The following SGCD variants were observed in gnomAD, a reference collection of about 807,000 sequenced individuals.
The protein encoded by SGCD is sarcoglycan delta.
SGCD carries 18 observed loss-of-function variants against 36.6 expected under a neutral mutation model. That is an observed-to-expected ratio of 0.49 (90% CI 0.34 to 0.73). The LOEUF (loss-of-function observed/expected upper bound fraction) is 0.73, where lower values mean the gene tolerates loss of function less well. SGCD is among the 30% of genes least tolerant of loss of function. The pLI is 0.01. For synonymous variants in SGCD, 133 were observed against 130.6 expected (o/e 1.02, Z -0.12); for missense variants, 387 against 346.7 (o/e 1.12, Z -0.92).
Position 156,197,472 on chromosome 5 carries a change from C to CTTTTTTTTT in SGCD, c.-44+73460_-44+73468dup, listed in dbSNP as rs368116194. On this transcript the variant is annotated intron_variant, in intron 3 of 9. Coordinates refer to the SGCD transcript ENST00000517913. ...AACTCTTTAGAATTGAATAGTTTTC[C>CTTTTTTTTT]TTTTTTTTTTTTTTTGGCTAAACAG... Among the ~76,000 whole-genome samples the CTTTTTTTTT allele has an allele frequency of 8.4e-4, 112 of 133,958 alleles. 1 individual carries two copies. Among genetic ancestry groups the CTTTTTTTTT allele is most frequent in the African/African-American group, 2.3e-3 (84 of 36,558 alleles). The allele number at this position is 133,958 out of a possible 152,430, so 87.9% of individuals were successfully genotyped here.
At chr5:156,215,724 A>G (rs892074671) in intron 3 of SGCD, among the ~76,000 whole-genome samples, 1 of 152,146 alleles carries the variant, frequency 6.6e-6, no homozygotes, top group African/African-American at 2.4e-5. Context: ...ACCCCCACAC[A>G]TGGTGGGAAT....
At chr5:156,317,019 T>C (rs1767534106) in intron 3 of SGCD, among the ~76,000 whole-genome samples, 1 of 152,234 alleles carries the variant, frequency 6.6e-6, no homozygotes, top group South Asian at 2.1e-4. Flanking sequence ...GTCTGGTCTG[T>C]AAATGTACCC....
intron 1 of SGCD, among the ~76,000 whole-genome samples, chr5:155,920,141 A>G (rs1756841997): frequency 6.6e-6 from 1 of 152,220 alleles, no homozygotes; most frequent in South Asian, 2.1e-4. Context: ...GAAATGATCA[A>G]CATCTAACCC....
Position 156,452,207 on chromosome 5 carries a change from A to G in SGCD, c.193-56394A>G, listed in dbSNP as rs76925004. On this transcript the variant is annotated intron_variant, in intron 3 of 8. Transcript: ENST00000337851. ...AATTTTCATGCTCATCTCACTTCCA[A>G]TCACTGCTTATTCTTACCACGATTT... Among the ~76,000 whole-genome samples the G allele has an allele frequency of 3.9e-5, 6 of 152,168 alleles. No homozygotes were observed. In the East Asian group the frequency reaches 7.7e-4, roughly 20 times the overall value.
chr5:156,446,671 C>A (rs774276013), intron 3 of SGCD, among the ~76,000 whole-genome samples: 2 of 152,000 alleles, frequency 1.3e-5, no homozygotes, highest in Non-Finnish European at 2.9e-5. Flanking sequence ...CTTCCCTGGC[C>A]GAAGGAGCTG....
At chr5:156,575,261 C>T (rs1759887777) in intron 4 of SGCD, among the ~76,000 whole-genome samples, 1 of 152,188 alleles carries the variant, frequency 6.6e-6, no homozygotes, top group Admixed American at 6.5e-5. Flanking sequence ...GAAGAGACAG[C>T]TGCCTCCTTG....
At chr5:156,126,051 T>C (rs1268936976) in intron 3 of SGCD, among the ~76,000 whole-genome samples, 1 of 151,816 alleles carries the variant, frequency 6.6e-6, no homozygotes, top group Non-Finnish European at 1.5e-5. Flanking sequence ...CTAATATGTT[T>C]GTATTTTTTA....
At chr5:156,135,008 C>T (rs189414440) in intron 3 of SGCD, among the ~76,000 whole-genome samples, 30 of 152,182 alleles carry the variant, frequency 2.0e-4, no homozygotes, top group African/African-American at 7.0e-4. Flanking sequence ...AAGTCAGTCT[C>T]CCTCAATGAA....
intron 3 of SGCD, among the ~76,000 whole-genome samples, chr5:156,496,434 G>A (rs568577355): frequency 2.8e-4 from 43 of 152,124 alleles, no homozygotes; most frequent in African/African-American, 9.6e-4. Context: ...ACTGGGCTGC[G>A]TAAGTAGTAT....
At chr5:155,756,511 A>C in the SGCD span, among the ~76,000 whole-genome samples, 1 of 152,148 alleles carries the variant, frequency 6.6e-6, no homozygotes, top group South Asian at 2.1e-4. Context: ...TGTGAATATC[A>C]CACAAAGCCC....
intron 4 of SGCD, among the ~76,000 whole-genome samples, chr5:156,564,571 A>G (rs1175201802): frequency 2.0e-5 from 3 of 152,170 alleles, no homozygotes; most frequent in Non-Finnish European, 2.9e-5. Flanking sequence ...TCAGTGTTCA[A>G]TGTCACCATC....
chr5:155,967,712 C>A (rs1757929610), intron 1 of SGCD, among the ~76,000 whole-genome samples: 1 of 151,998 alleles, frequency 6.6e-6, no homozygotes, highest in Non-Finnish European at 1.5e-5. Flanking sequence ...CTGTGGAAAA[C>A]GTTCAGTAAT....
the SGCD span, among the ~76,000 whole-genome samples, chr5:155,763,537 A>G: frequency 2.6e-5 from 4 of 152,230 alleles, 1 homozygote; most frequent in Middle Eastern, 0.01. Context: ...GTCTGATGGG[A>G]TGGGCCACGT....
intron 1 of SGCD, among the ~76,000 whole-genome samples, chr5:156,109,383 T>A (rs1356475070): frequency 2.6e-5 from 4 of 152,106 alleles, no homozygotes; most frequent in Admixed American, 2.6e-4. Context: ...AGTGGGTAAG[T>A]GGAGTGGGAT....
intron 3 of SGCD, among the ~76,000 whole-genome samples, chr5:156,128,480 CA>C (rs75707957): frequency 0.17 from 25,518 of 150,928 alleles, 3,434 homozygotes; most frequent in East Asian, 0.46. Context: ...AGATGTCTAA[CA>C]AAAAAAAATG....
intron 3 of SGCD, among the ~76,000 whole-genome samples, chr5:156,463,022 C>T (rs1754554380): frequency 6.6e-6 from 1 of 152,202 alleles, no homozygotes; most frequent in African/African-American, 2.4e-5. Flanking sequence ...AAACCCAACT[C>T]TCTCTTCTTT....
At chr5:156,712,675 C>T (rs996365216) in intron 7 of SGCD, among the ~76,000 whole-genome samples, 1 of 152,096 alleles carries the variant, frequency 6.6e-6, no homozygotes, top group African/African-American at 2.4e-5. Context: ...TCTTTTTGCT[C>T]CCCAGTTCAC....
At chr5:155,835,004 T>TTTC in the SGCD span, among the ~76,000 whole-genome samples, 3 of 110,612 alleles carry the variant, frequency 2.7e-5, no homozygotes, top group Non-Finnish European at 5.5e-5. Flanking sequence ...CCCAGCTAAT[T>TTTC]TTTTTTTTTT....
intron 7 of SGCD, among the ~76,000 whole-genome samples, chr5:156,690,205 G>A (rs1018823714): frequency 6.6e-6 from 1 of 152,184 alleles, no homozygotes; most frequent in Non-Finnish European, 1.5e-5. Flanking sequence ...AGGAACCAGG[G>A]AGGAAGGAAA....
Sources: allele counts gnomAD v4.1 joint callset (sites outside exome capture counted in the v4.1 genomes callset), GRCh38; gene constraint gnomAD v4.1.1; transcripts MANE v1.5; gene names NCBI Gene and HGNC (gene_info 2026-07-23, HGNC 2026-07-21).